The following TAS2R1 variants were observed in gnomAD, a reference collection of about 807,000 sequenced individuals.
The protein encoded by TAS2R1 is taste 2 receptor member 1, also known as taste receptor type 2 member 1.
For synonymous variants in TAS2R1, 141 were observed against 134.2 expected (o/e 1.05, Z -0.35); for missense variants, 370 against 353.4 (o/e 1.05, Z -0.38).
At chr5:9,680,635 A>G (rs191337211) in intron 1 of TAS2R1, among the ~76,000 whole-genome samples, 17 of 152,316 alleles carry the variant, frequency 1.1e-4, no homozygotes, top group African/African-American at 3.8e-4. Context: ...AAAATTCCCA[A>G]TAAAGGGGTA....
chr5:9,830,177 T>TTGGA, the TAS2R1 span, among the ~76,000 whole-genome samples: 45,440 of 132,340 alleles, frequency 0.34, 6,895 homozygotes, highest in South Asian at 0.38. Context: ...AGAGAACAGA[T>TTGGA]TGGATGGATG....
the TAS2R1 span, among the ~76,000 whole-genome samples, chr5:9,774,830 C>A: frequency 6.6e-6 from 1 of 152,232 alleles, no homozygotes; most frequent in Non-Finnish European, 1.5e-5. Context: ...GGAAAGGTGA[C>A]ACAGGCACCT....
the TAS2R1 span, among the ~76,000 whole-genome samples, chr5:9,751,862 T>C: frequency 0.017 from 2,564 of 152,350 alleles, 66 homozygotes; most frequent in African/African-American, 0.056. Flanking sequence ...CTCTCAGCTT[T>C]ATTGTCCTGT....
the TAS2R1 span, among the ~76,000 whole-genome samples, chr5:9,834,503 G>C: frequency 6.6e-6 from 1 of 152,146 alleles, no homozygotes; most frequent in South Asian, 2.1e-4. Flanking sequence ...CCAGAGTACA[G>C]AGTTATTTAC....
At chr5:9,867,125 G>A in the TAS2R1 span, 2 of 152,154 alleles carry the variant, frequency 1.3e-5, no homozygotes, top group Admixed American at 1.3e-4. Context: ...CTGGCATCTG[G>A]GAACTTACAT....
chr5:9,786,532 C>T, the TAS2R1 span, among the ~76,000 whole-genome samples: 1 of 152,162 alleles, frequency 6.6e-6, no homozygotes, highest in African/African-American at 2.4e-5. Flanking sequence ...CGGTTCTCAA[C>T]GTGGGCTGAG....
intron 1 of TAS2R1, among the ~76,000 whole-genome samples, chr5:9,706,533 A>G (rs1190427012): frequency 6.6e-6 from 1 of 152,242 alleles, no homozygotes; most frequent in Non-Finnish European, 1.5e-5. Flanking sequence ...TGAGAGTTAG[A>G]CAAAATGTCC....
chr5:9,793,649 T>C, the TAS2R1 span, among the ~76,000 whole-genome samples: 1 of 152,108 alleles, frequency 6.6e-6, no homozygotes, highest in Admixed American at 6.5e-5. Context: ...CCTTCAGCAT[T>C]GGATGTGGTG....
the TAS2R1 span, among the ~76,000 whole-genome samples, chr5:9,851,524 T>C: frequency 7.2e-3 from 1,100 of 152,126 alleles, 6 homozygotes; most frequent in Middle Eastern, 0.02. Context: ...ATTTGTTTTT[T>C]TTTTTTTTTC....
chr5:9,797,378 A>G, the TAS2R1 span, among the ~76,000 whole-genome samples: 1 of 152,130 alleles, frequency 6.6e-6, no homozygotes, highest in Non-Finnish European at 1.5e-5. Context: ...GCTGCTTTAT[A>G]GCATGTGGGG....
intron 1 of TAS2R1, among the ~76,000 whole-genome samples, chr5:9,665,745 G>T (rs903896567): frequency 1.3e-5 from 2 of 152,190 alleles, no homozygotes; most frequent in Non-Finnish European, 2.9e-5. Context: ...CTCGAAAAGG[G>T]CTTGTTTATT....
At chr5:9,736,123 A>G in the TAS2R1 span, among the ~76,000 whole-genome samples, 8 of 152,234 alleles carry the variant, frequency 5.3e-5, no homozygotes, top group South Asian at 1.7e-3. Flanking sequence ...GGAAAGTCAT[A>G]GATTCCACTG....
the TAS2R1 span, among the ~76,000 whole-genome samples, chr5:9,849,618 T>C: frequency 6.6e-6 from 1 of 152,122 alleles, no homozygotes; most frequent in Non-Finnish European, 1.5e-5. Flanking sequence ...CAGACTTCCA[T>C]AGGAATTCCT....
chr5:9,769,308 T>C, the TAS2R1 span, among the ~76,000 whole-genome samples: 1 of 152,334 alleles, frequency 6.6e-6, no homozygotes, highest in East Asian at 1.9e-4. Flanking sequence ...GTTTTCTTTA[T>C]CTATTAATCT....
At chr5:9,644,063 G>A (rs947760631) in intron 2 of TAS2R1, among the ~76,000 whole-genome samples, 1 of 152,154 alleles carries the variant, frequency 6.6e-6, no homozygotes, top group Non-Finnish European at 1.5e-5. Context: ...ATAAGGCAGA[G>A]CAGAGAGGAA....
chr5:9,813,379 T>G, the TAS2R1 span, among the ~76,000 whole-genome samples: 9 of 152,176 alleles, frequency 5.9e-5, no homozygotes, highest in Non-Finnish European at 1.2e-4. Context: ...TGCAAACTAG[T>G]AAAGAAACCA....
chr5:9,814,066 A>G, the TAS2R1 span, among the ~76,000 whole-genome samples: 1 of 152,144 alleles, frequency 6.6e-6, no homozygotes. Context: ...GCACAATTCA[A>G]CATGATTCAG....
the TAS2R1 span, among the ~76,000 whole-genome samples, chr5:9,844,849 G>A: frequency 3.3e-5 from 5 of 152,160 alleles, no homozygotes; most frequent in Admixed American, 1.3e-4. Context: ...GAGAATGACC[G>A]TGGCCCTTGC....
the TAS2R1 span, among the ~76,000 whole-genome samples, chr5:9,845,211 T>C: frequency 1.3e-5 from 2 of 152,118 alleles, no homozygotes; most frequent in African/African-American, 4.8e-5. Context: ...TTTCTCTCCC[T>C]CCACCCCACA....
Sources: allele counts gnomAD v4.1 joint callset (sites outside exome capture counted in the v4.1 genomes callset), GRCh38; gene constraint gnomAD v4.1.1; transcripts MANE v1.5; gene names NCBI Gene and HGNC (gene_info 2026-07-23, HGNC 2026-07-21).